Variants in C10orf143 observed in about 807,000 individuals in gnomAD.
C10orf143 encodes the protein chromosome 10 open reading frame 143.
intron 3 of C10orf143, among the ~76,000 whole-genome samples, chr10:130,048,552 T>G (rs1860702578): frequency 2.0e-5 from 3 of 152,178 alleles, no homozygotes; most frequent in Admixed American, 2.0e-4. Context: ...TCCAGATCCA[T>G]GGGAGCCCAA....
At chr10:130,095,919 C>T (rs1861454993) in intron 1 of C10orf143, among the ~76,000 whole-genome samples, 1 of 152,132 alleles carries the variant, frequency 6.6e-6, no homozygotes, top group African/African-American at 2.4e-5. Flanking sequence ...AAAGCAATGA[C>T]AACAAAAGCC....
intron 3 of C10orf143, among the ~76,000 whole-genome samples, chr10:130,044,286 C>T (rs1271442658): frequency 1.3e-5 from 2 of 152,168 alleles, no homozygotes; most frequent in Non-Finnish European, 1.5e-5. Context: ...GAGCTGGGAA[C>T]TGGAGGTGAG....
intron 1 of C10orf143, chr10:130,108,206 C>T (rs757189285): frequency 3.2e-6 from 5 of 1,558,966 alleles, no homozygotes; most frequent in Non-Finnish European, 1.8e-6. Context: ...CCCCCCACCT[C>T]CTCCAGGAAC....
intron 1 of C10orf143, chr10:130,101,227 A>C (rs1450940878): frequency 1.3e-5 from 2 of 152,068 alleles, no homozygotes; most frequent in Admixed American, 6.6e-5. Flanking sequence ...GAAAAAAAAA[A>C]AAAAATCTAT....
intron 3 of C10orf143, among the ~76,000 whole-genome samples, chr10:130,043,591 C>T (rs530561274): frequency 5.3e-5 from 8 of 152,336 alleles, no homozygotes; most frequent in East Asian, 1.9e-4. Flanking sequence ...ATGGCACTCA[C>T]GCCCAGACCA....
At chr10:130,075,480 C>T (rs551409275) in intron 3 of C10orf143, among the ~76,000 whole-genome samples, 74 of 152,290 alleles carry the variant, frequency 4.9e-4, no homozygotes, top group Admixed American at 1.3e-3. Flanking sequence ...AGAATCTGTC[C>T]ATTCATTAGC....
intron 3 of C10orf143, among the ~76,000 whole-genome samples, chr10:130,045,711 G>A (rs1033236297): frequency 6.6e-6 from 1 of 152,250 alleles, no homozygotes; most frequent in Non-Finnish European, 1.5e-5. Flanking sequence ...CTGAAGTCAC[G>A]ACTCAGAAAG....
intron 1 of C10orf143, 113 bp from the exon 2 acceptor site, chr10:130,080,014 A>T: frequency 2.5e-6 from 1 of 397,816 alleles, no homozygotes; most frequent in Non-Finnish European, 4.4e-6. Context: ...GAGCTGGAAA[A>T]CTTTATAGGG....
At chr10:130,084,175 G>A (rs1332560632) in intron 1 of C10orf143, among the ~76,000 whole-genome samples, 16 of 151,954 alleles carry the variant, frequency 1.1e-4, no homozygotes, top group African/African-American at 2.7e-4. Context: ...TTAGCCAGGC[G>A]TGGTGGCAGG....
At chr10:130,046,975 AAC>A (rs1371206767) in intron 3 of C10orf143, among the ~76,000 whole-genome samples, 2 of 152,224 alleles carry the variant, frequency 1.3e-5, no homozygotes, top group East Asian at 3.9e-4. Context: ...TATTCTAGTC[AAC>A]AGACAGTACG....
intron 1 of C10orf143, among the ~76,000 whole-genome samples, chr10:130,103,925 C>T (rs762582165): frequency 6.6e-6 from 1 of 151,976 alleles, no homozygotes; most frequent in Non-Finnish European, 1.5e-5. Flanking sequence ...AAATGTTGCT[C>T]TACCCAAGAA....
At chr10:130,090,391 T>G (rs1471637430) in intron 1 of C10orf143, among the ~76,000 whole-genome samples, 1 of 152,134 alleles carries the variant, frequency 6.6e-6, no homozygotes, top group Non-Finnish European at 1.5e-5. Flanking sequence ...CCAGAAACTA[T>G]GCTTTTCCCA....
intron 3 of C10orf143, among the ~76,000 whole-genome samples, chr10:130,050,372 C>A (rs1260384804): frequency 6.6e-6 from 1 of 152,226 alleles, no homozygotes; most frequent in Admixed American, 6.5e-5. Context: ...GAGTTCAAGA[C>A]CAGCCTGAGC....
chr10:130,089,285 T>C (rs1341842100), intron 1 of C10orf143, among the ~76,000 whole-genome samples: 3 of 152,226 alleles, frequency 2.0e-5, no homozygotes, highest in African/African-American at 7.2e-5. Context: ...CCTGAATAAA[T>C]TAAGGATCTT....
At chr10:130,093,338 C>CAA (rs1334304412) in intron 1 of C10orf143, among the ~76,000 whole-genome samples, 2 of 152,128 alleles carry the variant, frequency 1.3e-5, no homozygotes, top group Admixed American at 6.6e-5. Context: ...GAAATTAAGG[C>CAA]AGAAATAAAT....
chr10:130,103,132 C>G (rs12356737), intron 1 of C10orf143, among the ~76,000 whole-genome samples: 1 of 152,110 alleles, frequency 6.6e-6, no homozygotes, highest in African/African-American at 2.4e-5. Flanking sequence ...GCATGAGCCA[C>G]TACGCCCAGC....
At chr10:130,090,910 A>G (rs906881535) in intron 1 of C10orf143, among the ~76,000 whole-genome samples, 1 of 152,354 alleles carries the variant, frequency 6.6e-6, no homozygotes, top group African/African-American at 2.4e-5. Context: ...GAAAGGCAGC[A>G]GCGCCAGTCA....
chr10:130,068,888 T>C (rs1860985039), intron 3 of C10orf143, among the ~76,000 whole-genome samples: 1 of 151,570 alleles, frequency 6.6e-6, no homozygotes, highest in South Asian at 2.1e-4. Flanking sequence ...TGAACAGAGC[T>C]TCGAAGACAC....
chr10:130,073,452 A>G (rs897706915), intron 3 of C10orf143, among the ~76,000 whole-genome samples: 7 of 152,168 alleles, frequency 4.6e-5, no homozygotes, highest in Admixed American at 2.0e-4. Context: ...TGTTAGGCCA[A>G]AACCACATCT....
Sources: allele counts gnomAD v4.1 joint callset (sites outside exome capture counted in the v4.1 genomes callset), GRCh38; gene constraint gnomAD v4.1.1; transcripts MANE v1.5; gene names NCBI Gene and HGNC (gene_info 2026-07-23, HGNC 2026-07-21).